ANKIB1: variants seen among roughly 807,000 people sequenced by gnomAD.
ANKIB1 encodes ankyrin repeat and IBR domain-containing protein 1.
ANKIB1 carries 43 observed loss-of-function variants against 122.1 expected under a neutral mutation model. The observed-to-expected ratio is 0.35, with a 90% CI of 0.28 to 0.45. ANKIB1 has a LOEUF of 0.45. ANKIB1 is among the 20% of genes least tolerant of loss of function. The pLI is 1.00. For synonymous variants in ANKIB1, 390 were observed against 442.0 expected, an observed-to-expected ratio of 0.88 and a Z score of 1.48; for missense variants, 992 against 1,329.5, an observed-to-expected ratio of 0.75 and a Z score of 3.95.
Position 92,246,356 on chromosome 7 carries a change from C to T in ANKIB1, c.-254C>T. On this transcript the variant is annotated 5_prime_UTR_variant, in exon 1 of 20. Transcript: ENST00000265742. ...CACCCTCGGCCACATCAGCCTCCGC[C>T]TGGCGGGTGCACCCGGGCCGGCGAG... The T allele has an allele frequency of 4.5e-6, 2 of 447,916 alleles. No homozygotes were observed. Among genetic ancestry groups the T allele is most frequent in the Non-Finnish European group, 8.8e-6 (2 of 226,138 alleles). 27.7% of individuals were successfully genotyped at this position (447,916 alleles called of 1,614,324 possible).
At chr7:92,347,564 G>GATCACACCA (rs1803566939) in intron 7 of ANKIB1, among the ~76,000 whole-genome samples, 1 of 152,138 alleles carries the variant, frequency 6.6e-6, no homozygotes, top group Non-Finnish European at 1.5e-5. Flanking sequence ...AGTGAGCTAT[G>GATCACACCA]ATCACACCAC....
chr7:92,397,127 C>CT (rs1394270775), intron 18 of ANKIB1, among the ~76,000 whole-genome samples: 1 of 151,700 alleles, frequency 6.6e-6, no homozygotes, highest in African/African-American at 2.4e-5. Flanking sequence ...TATTGCTTAA[C>CT]AAAAAAAGAG....
intron 3 of ANKIB1, among the ~76,000 whole-genome samples, chr7:92,309,464 A>G (rs1365764035): frequency 2.0e-5 from 3 of 152,150 alleles, no homozygotes; most frequent in African/African-American, 7.2e-5. Flanking sequence ...TAATAGCAGA[A>G]TTCCTGGGGC....
At chr7:92,390,144 G>A (rs75839896) in intron 15 of ANKIB1, 28 bp downstream of exon 15, 16 of 1,494,552 alleles carry the variant, frequency 1.1e-5, no homozygotes, top group Non-Finnish European at 1.3e-5. Context: ...ACATTTAAAT[G>A]GCAGCAGTTA....
At chr7:92,350,671 A>G (rs1803642678) in intron 7 of ANKIB1, among the ~76,000 whole-genome samples, 1 of 152,162 alleles carries the variant, frequency 6.6e-6, no homozygotes, top group South Asian at 2.1e-4. Context: ...CAGTCTGGAC[A>G]ACATAGCAAG....
intron 1 of ANKIB1, among the ~76,000 whole-genome samples, chr7:92,279,841 G>A (rs568682374): frequency 1.2e-4 from 18 of 152,046 alleles, no homozygotes; most frequent in Non-Finnish European, 2.5e-4. Context: ...CAACCTTAGA[G>A]TCCAAATTGA....
At chr7:92,278,312 G>C (rs1404882802) in intron 1 of ANKIB1, among the ~76,000 whole-genome samples, 2 of 152,102 alleles carry the variant, frequency 1.3e-5, no homozygotes, top group Non-Finnish European at 2.9e-5. Flanking sequence ...TGCAGAAGCT[G>C]GGCCAGCCTC....
chr7:92,365,811 T>A (rs1804063300), intron 10 of ANKIB1, among the ~76,000 whole-genome samples: 1 of 70,640 alleles, frequency 1.4e-5, no homozygotes, highest in South Asian at 5.0e-4. Context: ...TTTTTTTTTT[T>A]TTTTTGAGAC....
At chr7:92,381,284 C>T (rs151141107) in intron 11 of ANKIB1, among the ~76,000 whole-genome samples, 4 of 152,232 alleles carry the variant, frequency 2.6e-5, no homozygotes, top group Admixed American at 6.5e-5. Context: ...CTGAAAGTGA[C>T]GGGGAGAATG....
intron 4 of ANKIB1, 77 bp from the exon 5 acceptor site, chr7:92,327,706 A>G (rs1469440123): frequency 1.5e-6 from 1 of 648,676 alleles, no homozygotes; most frequent in Non-Finnish European, 2.5e-6. Context: ...TGGACTGACT[A>G]TATATTGTTT....
intron 2 of ANKIB1, among the ~76,000 whole-genome samples, chr7:92,303,809 A>G (rs1474473444): frequency 6.6e-6 from 1 of 152,186 alleles, no homozygotes; most frequent in Non-Finnish European, 1.5e-5. Flanking sequence ...GTTACATGAG[A>G]GAGTGAAACT....
intron 3 of ANKIB1, among the ~76,000 whole-genome samples, chr7:92,315,371 T>G (rs1802775312): frequency 6.6e-6 from 1 of 152,188 alleles, no homozygotes; most frequent in East Asian, 1.9e-4. Flanking sequence ...ATAAAGAATA[T>G]AGACACTCAT....
At chr7:92,363,317 A>C (rs529835890) in intron 10 of ANKIB1, among the ~76,000 whole-genome samples, 1 of 152,298 alleles carries the variant, frequency 6.6e-6, no homozygotes, top group South Asian at 2.1e-4. Context: ...AGGCTGAGGC[A>C]GGAGAATTGC....
At chr7:92,333,576 T>C (rs1803223862) in intron 5 of ANKIB1, among the ~76,000 whole-genome samples, 1 of 152,192 alleles carries the variant, frequency 6.6e-6, no homozygotes, top group African/African-American at 2.4e-5. Context: ...ACAGTGGTGA[T>C]TTTTTGGTGG....
At chr7:92,257,932 G>A (rs1163994112) in intron 1 of ANKIB1, among the ~76,000 whole-genome samples, 2 of 152,200 alleles carry the variant, frequency 1.3e-5, no homozygotes, top group Non-Finnish European at 2.9e-5. Context: ...ATTTCTGTAA[G>A]AGGTGTGTTT....
Position 92,371,051 on chromosome 7 carries a change from A to G in ANKIB1, c.1487-426A>G, listed in dbSNP as rs186739953. On this transcript the variant is annotated intron_variant, in intron 10 of 19. Coordinates refer to ENST00000265742, the MANE Select transcript of ANKIB1 (RefSeq NM_019004.2). Reference sequence around the variant, plus strand: ...ATGTTGATATTTTTTGCTTTTTACTATGGTAAAGAGTTTCTGATCATTATA... The same window carrying G: ...ATGTTGATATTTTTTGCTTTTTACTGTGGTAAAGAGTTTCTGATCATTATA... Among the ~76,000 whole-genome samples the G allele has an allele frequency of 7.0e-4, 107 of 152,322 alleles. 1 individual carries two copies. The highest frequency in any genetic ancestry group is 2.5e-3 in the African/African-American group (102 of 41,592).
intron 11 of ANKIB1, among the ~76,000 whole-genome samples, chr7:92,379,553 A>G (rs572860464): frequency 6.6e-6 from 1 of 152,210 alleles, no homozygotes; most frequent in Non-Finnish European, 1.5e-5. Context: ...GGATAAAAAG[A>G]AAGCCTACAA....
intron 2 of ANKIB1, among the ~76,000 whole-genome samples, chr7:92,305,926 A>G (rs929182430): frequency 4.6e-5 from 7 of 152,168 alleles, no homozygotes; most frequent in South Asian, 2.1e-4. Flanking sequence ...CCTCGAGACC[A>G]TGGAAGTATT....
At chr7:92,338,132 T>A (rs990133477) in intron 5 of ANKIB1, among the ~76,000 whole-genome samples, 2 of 151,950 alleles carry the variant, frequency 1.3e-5, no homozygotes, top group Non-Finnish European at 2.9e-5. Context: ...TTATTAAGGC[T>A]AGGTGTAGTG....
Sources: gnomAD v4.1 joint callset for allele counts (sites outside exome capture counted in the v4.1 genomes callset) on GRCh38, gnomAD v4.1.1 for gene constraint, MANE v1.5 for transcripts, NCBI Gene and HGNC (gene_info 2026-07-23, HGNC 2026-07-21) for gene names.